The following HECTD4 variants were observed in gnomAD, a reference collection of about 807,000 sequenced individuals.
The protein encoded by HECTD4 is probable E3 ubiquitin-protein ligase HECTD4.
A neutral mutation model predicts 471.5 loss-of-function variants in HECTD4; 114 were observed. That is an observed-to-expected ratio of 0.24 (90% CI 0.21 to 0.28). The LOEUF (loss-of-function observed/expected upper bound fraction) is 0.28. Among genes scored for constraint, HECTD4 ranks in the 10% least tolerant of loss-of-function variants. The pLI is 1.00. For missense variants in HECTD4, 3,866 were observed against 5,651.5 expected (o/e 0.68, Z 10.13); for synonymous variants, 2,012 against 2,256.0 (o/e 0.89, Z 3.07).
intron 51 of HECTD4, among the ~76,000 whole-genome samples, chr12:112,208,239 T>C (rs541840583): frequency 6.6e-6 from 1 of 152,370 alleles, no homozygotes; most frequent in East Asian, 1.9e-4. Context: ...CACAGGATTC[T>C]GAACTATTGC....
chr12:112,219,792 G>T (rs2033038557), intron 44 of HECTD4, among the ~76,000 whole-genome samples: 1 of 151,198 alleles, frequency 6.6e-6, no homozygotes, highest in Non-Finnish European at 1.5e-5. Context: ...TAGAGACAGG[G>T]TTTCACCATG....
intron 1 of HECTD4, among the ~76,000 whole-genome samples, chr12:112,373,696 A>T (rs953398591): frequency 1.3e-5 from 2 of 152,060 alleles, no homozygotes; most frequent in African/African-American, 4.8e-5. Flanking sequence ...AATGATGACT[A>T]AGAAGATGCA....
At position 112,235,322 on chromosome 12, in the gene HECTD4, C is replaced by G. The variant is rs934802264; in HGVS notation, c.5726-56G>C. On this transcript the variant is annotated intron_variant, in intron 36 of 75. Coordinates refer to ENST00000682272, the MANE Select transcript of HECTD4 (RefSeq NM_001388303.1). This position sits in a 1 kb window ranked among gnomAD's most constrained non-coding sequence, Gnocchi z 5.0. ...AAACTGCAGTGTTGTTTTGGCGGCT[C>G]TGCTAAAATGAAAAATAATGGTTTG... is the stretch of plus-strand genomic sequence containing the variant. 59 of 1,555,174 alleles carry G rather than the reference C, an allele frequency of 3.8e-5. No homozygotes were observed. Among genetic ancestry groups the G allele is most frequent in the African/African-American group, 3.0e-4 (22 of 72,818 alleles).
chr12:112,188,149 C>T lies in HECTD4; in HGVS notation c.9472+2637G>A, dbSNP rs1276723300. The stretch of plus-strand genomic sequence containing the variant: ...TAAAAATACAAAAAAATTAGCTGGG[C>T]ATGGTAGCGGGCGCCTGTATTCCCA... On this transcript the variant is annotated intron_variant, in intron 60 of 75. Coordinates refer to ENST00000682272, the MANE Select transcript of HECTD4 (RefSeq NM_001388303.1). This position sits in a 1 kb window ranked among gnomAD's most constrained non-coding sequence, Gnocchi z 4.2. 6.6e-6 allele frequency among the ~76,000 whole-genome samples: 1 copy of T among 151,964 alleles called. No individual in the cohort carries two copies. Among genetic ancestry groups the T allele is most frequent in the African/African-American group, 2.4e-5 (1 of 41,396 alleles).
chr12:112,192,041 A>T (rs911975176), intron 59 of HECTD4, among the ~76,000 whole-genome samples: 1 of 152,198 alleles, frequency 6.6e-6, no homozygotes, highest in Non-Finnish European at 1.5e-5. Context: ...AGGCAGTGAC[A>T]GTTTCAGGGC....
In HECTD4 at chr12:112,226,646, C is replaced by T. The variant is rs1217213095; in HGVS notation, c.6967G>A (p.Ala2323Thr). The T allele has an allele frequency of 6.3e-7, 1 of 1,597,562 alleles. No homozygotes were observed. The highest frequency in any genetic ancestry group is 1.1e-5 in the South Asian group (1 of 90,242). The change falls in exon 44 of 76, where the codon GCT becomes ACT. Residue 2323 changes from alanine (A) to threonine (T), a missense_variant. By Grantham distance (58) the Ala-to-Thr change is moderately conservative. Transcript: ENST00000682272. ...TAAGGCAAGTTCAGGTACTCACCAG[C>T]ACTACATTCCTGGGCTACTAGGTTA... ...VLNLVAQECS[A>T]GERLAVVEVQ...
Position 112,184,160 on chromosome 12 carries a change from T to C in HECTD4, c.10779+27A>G, listed in dbSNP as rs750317806. The C allele has an allele frequency of 1.9e-5, 30 of 1,553,842 alleles. No homozygotes were observed. The highest frequency in any genetic ancestry group is 8.8e-7 in the Non-Finnish European group (1 of 1,137,932). ...GGGATTGAAATGGGTCATGATTTAG[T>C]GGTTGCAGAGGCTTGAAAGCTGTTA... On this transcript the variant is annotated intron_variant, in intron 61 of 75. Coordinates refer to ENST00000682272, the MANE Select transcript of HECTD4 (RefSeq NM_001388303.1). The surrounding 1 kb of genome is among the most constrained non-coding windows in gnomAD (Gnocchi z 9.1).
intron 1 of HECTD4, among the ~76,000 whole-genome samples, chr12:112,364,397 A>ACT (rs905902704): frequency 8.9e-5 from 13 of 146,710 alleles, no homozygotes; most frequent in African/African-American, 1.5e-4. Context: ...ACAGAGCAAG[A>ACT]CTCTCTCTCT....
rs2033848631 is a variant in HECTD4 at position 112,250,140 on chromosome 12, A to G, written c.3950+4T>C. Reference sequence around the variant, plus strand: ...GAAAAGTAAAACACTACACAGCAACATACTTTATACTTGGTCTAAATTGAG... The same window carrying G: ...GAAAAGTAAAACACTACACAGCAACGTACTTTATACTTGGTCTAAATTGAG... On this transcript the variant is annotated splice_donor_region_variant and intron_variant, in intron 25 of 75. Coordinates refer to ENST00000682272, the MANE Select transcript of HECTD4 (RefSeq NM_001388303.1). 2 of 1,602,904 alleles carry G rather than the reference A, an allele frequency of 1.2e-6. No individual in the cohort carries two copies. Among genetic ancestry groups the G allele is most frequent in the African/African-American group, 2.7e-5 (2 of 74,674 alleles).
chr12:112,369,163 T>C lies in HECTD4; in HGVS notation c.177+12789A>G, dbSNP rs186140888. ...AGCCTATGCCGGGACAAGAAGGCTA[T>C]CAAGCCACAAGAGAGGTGCTCTGAA... On this transcript the variant is annotated intron_variant, in intron 1 of 75. Transcript: ENST00000682272. 2.6e-5 allele frequency among the ~76,000 whole-genome samples: 4 copies of C among 152,218 alleles called. No homozygotes were observed. The East Asian group carries it at 7.7e-4, about 29-fold the overall frequency.
Position 112,162,205 on chromosome 12 carries a change from G to A in HECTD4, c.*182C>T, listed in dbSNP as rs746936859. The A allele has an allele frequency of 4.2e-5, 26 of 617,928 alleles. No individual in the cohort carries two copies. The highest frequency in any genetic ancestry group is 5.3e-5 in the Non-Finnish European group (19 of 358,080). The allele number at this position is 617,928 out of a possible 1,614,324, so 38.3% of individuals were successfully genotyped here. The stretch of plus-strand genomic sequence containing the variant: ...GGCAGCAAAAGAACCAACCCATCAC[G>A]AAACGTACAAAGACAAAAGGTTAAG... On this transcript the variant is annotated 3_prime_UTR_variant, in exon 76 of 76. Coordinates refer to ENST00000682272, the MANE Select transcript of HECTD4 (RefSeq NM_001388303.1). The surrounding 1 kb of genome is among the most constrained non-coding windows in gnomAD (Gnocchi z 5.2).
At chr12:112,270,555 G>T in intron 11 of HECTD4, 96 bp from the exon 12 acceptor site, 1 of 984,046 alleles carries the variant, frequency 1.0e-6, no homozygotes, top group Non-Finnish European at 1.6e-6. Flanking sequence ...GTGCGCACTA[G>T]AAAAGGATAT....
intron 24 of HECTD4, 66 bp from the exon 25 acceptor site, chr12:112,250,443 G>A: frequency 8.9e-7 from 1 of 1,128,242 alleles, no homozygotes; most frequent in Non-Finnish European, 1.3e-6. Context: ...GCTATTGGAT[G>A]TTTGCAGATA....
chr12:112,341,960 C>G (rs1324410863), intron 1 of HECTD4, among the ~76,000 whole-genome samples: 1 of 152,188 alleles, frequency 6.6e-6, no homozygotes, highest in Non-Finnish European at 1.5e-5. Flanking sequence ...TAATATGACT[C>G]TAGACCCCAA....
rs555971026 is a variant in HECTD4, at chr12:112,164,094, C to T, written c.12701+15G>A. The T allele has an allele frequency of 6.9e-5, 104 of 1,496,732 alleles. No homozygotes were observed. The highest frequency in any genetic ancestry group is 2.9e-4 in the African/African-American group (21 of 72,188). The allele number at this position is 1,496,732 out of a possible 1,614,324, so 92.7% of individuals were successfully genotyped here. ...GGCCAGCCCCTGCCAGCCCCTGACA[C>T]GCGCACACACTCACGCCACAAGGAT... is the stretch of plus-strand genomic sequence containing the variant. On this transcript the variant is annotated intron_variant, in intron 73 of 75. Transcript: ENST00000682272.
At chr12:112,281,013 ACTC>A (rs1325203436) in intron 8 of HECTD4, among the ~76,000 whole-genome samples, 3 of 151,032 alleles carry the variant, frequency 2.0e-5, no homozygotes, top group Admixed American at 6.6e-5. Flanking sequence ...CTGGTCTTGA[ACTC>A]CTGACCTCAG....
chr12:112,349,288 C>G (rs1349616186), intron 1 of HECTD4, among the ~76,000 whole-genome samples: 1 of 146,736 alleles, frequency 6.8e-6, no homozygotes, highest in African/African-American at 2.5e-5. Context: ...ACTGGGGAGG[C>G]TGAGGCAGAA....
intron 60 of HECTD4, among the ~76,000 whole-genome samples, chr12:112,189,568 A>AAAAAAAAG (rs2032006278): frequency 1.3e-5 from 2 of 149,974 alleles, no homozygotes; most frequent in African/African-American, 2.5e-5. Context: ...AAAAAAAAAA[A>AAAAAAAAG]AAAAAAAGAA....
Position 112,256,524 on chromosome 12 carries a change from CA to C in HECTD4, c.3129-7del, listed in dbSNP as rs755300709. The C allele has an allele frequency of 1.6e-5, 24 of 1,535,164 alleles. No individual in the cohort carries two copies. In the South Asian group the frequency reaches 3.1e-4, roughly 20 times the overall value. ...CTTCCTTCTCTTCTAACATTCTAAA[CA>C]GAAAAAGAGAAAGTGATTTAGCTTA... On this transcript the variant is annotated splice_region_variant and splice_polypyrimidine_tract_variant and intron_variant, in intron 20 of 75. Transcript: ENST00000682272.
Sources: gnomAD v4.1 joint callset for allele counts (sites outside exome capture counted in the v4.1 genomes callset) on GRCh38, gnomAD v4.1.1 for gene constraint, Gnocchi (gnomAD v3.1) non-coding constraint, MANE v1.5 for transcripts, NCBI Gene and HGNC (gene_info 2026-07-23, HGNC 2026-07-21) for gene names.